NCOA3: variants seen among roughly 807,000 people sequenced by gnomAD.
The protein encoded by NCOA3 is CBP-interacting protein.
Under a neutral mutation model 158.8 loss-of-function variants are expected in NCOA3, and 51 were observed. That is an observed-to-expected ratio of 0.32 (90% CI 0.26 to 0.41). The LOEUF is 0.41. Among genes scored for constraint, NCOA3 ranks in the 10% least tolerant of loss-of-function variants. The pLI is 1.00. For synonymous variants in NCOA3, 537 were observed against 592.4 expected (o/e 0.91, Z 1.36); for missense variants, 1,510 against 1,746.6 (o/e 0.86, Z 2.41).
intron 2 of NCOA3, among the ~76,000 whole-genome samples, chr20:47,607,776 A>C (rs2146270937): frequency 6.6e-6 from 1 of 152,280 alleles, no homozygotes; most frequent in African/African-American, 2.4e-5. Context: ...ATTATTTATA[A>C]AAGTTTATTA....
At position 47,654,634 on chromosome 20, in the gene NCOA3, A is replaced by C. The variant is rs2086845186; in HGVS notation, c.*1217A>C. The C allele has an allele frequency of 6.6e-6, 1 of 152,446 alleles. No individual in the cohort carries two copies. The highest frequency in any genetic ancestry group is 2.4e-5 in the African/African-American group (1 of 41,358). 9.4% of individuals were successfully genotyped at this position (152,446 alleles called of 1,614,324 possible). A position where few individuals can be genotyped will look rare whatever the true frequency, so the allele number is the denominator to read the frequency against. On this transcript the variant is annotated 3_prime_UTR_variant, in exon 23 of 23. Coordinates refer to ENST00000371998, the MANE Select transcript of NCOA3 (RefSeq NM_181659.3). ...GATGCCTCGCTCTTTTCAATCTCTT[A>C]ATCTAAATGCTTTTTAAAGAGATTA...
intron 1 of NCOA3, among the ~76,000 whole-genome samples, chr20:47,570,971 A>AC (rs2085284149): frequency 1.4e-5 from 1 of 69,652 alleles, no homozygotes; most frequent in Non-Finnish European, 3.2e-5. Flanking sequence ...CACACACACA[A>AC]GTATATACAT....
intron 1 of NCOA3, among the ~76,000 whole-genome samples, chr20:47,511,329 C>A (rs2084122731): frequency 6.8e-6 from 1 of 146,314 alleles, no homozygotes; most frequent in Non-Finnish European, 1.5e-5. Flanking sequence ...TTCACTGCAG[C>A]CTTGACCACC....
intron 1 of NCOA3, among the ~76,000 whole-genome samples, chr20:47,563,516 C>T (rs1447748735): frequency 6.6e-6 from 1 of 152,134 alleles, no homozygotes; most frequent in Non-Finnish European, 1.5e-5. Flanking sequence ...TTAAACCATG[C>T]CCTCAATTCA....
At chr20:47,625,797 G>T (rs1161796388) in intron 5 of NCOA3, among the ~76,000 whole-genome samples, 5 of 152,080 alleles carry the variant, frequency 3.3e-5, no homozygotes, top group African/African-American at 1.2e-4. Context: ...GGTACAAATG[G>T]CCCTTCATAT....
Position 47,651,166 on chromosome 20 carries a change from C to A in NCOA3, c.3836C>A (p.Ala1279Asp). Residue 1279 changes from alanine to aspartate, a missense_variant, in exon 20 of 23, where the codon GCC becomes GAC. Transcript: ENST00000371998. ...CAGCAGCAACAGCAGCAAACCCAGGCCTTCAGCCCACCTCCTAATGTGACT... is the reference window on the plus strand; with the variant it reads ...CAGCAGCAACAGCAGCAAACCCAGGACTTCAGCCCACCTCCTAATGTGACT... ...QQQQQQQQTQ[A>D]FSPPPNVTAS... 3.7e-6 allele frequency: 6 copies of A among 1,613,890 alleles called. No homozygotes were observed. The highest frequency in any genetic ancestry group is 4.2e-6 in the Non-Finnish European group (5 of 1,179,966).
chr20:47,587,345 G>C (rs1286662091), intron 2 of NCOA3, among the ~76,000 whole-genome samples: 5 of 152,232 alleles, frequency 3.3e-5, no homozygotes, highest in African/African-American at 1.2e-4. Context: ...ATCTCTCTGA[G>C]TGCTAGGTGT....
chr20:47,548,440 A>T (rs1460614592), intron 1 of NCOA3, among the ~76,000 whole-genome samples: 1 of 152,036 alleles, frequency 6.6e-6, no homozygotes, highest in Non-Finnish European at 1.5e-5. Flanking sequence ...GCTACTCGGG[A>T]GGCTGAGGCA....
At position 47,651,116 on chromosome 20, in the gene NCOA3, G is replaced by GCAA. The variant is rs753491875; in HGVS notation, c.3788_3789insACA (p.Gln1276dup). On this transcript the variant is annotated inframe_insertion, in exon 20 of 23. Coordinates refer to ENST00000371998, the MANE Select transcript of NCOA3 (RefSeq NM_181659.3). ...AACAGCAGCAGCAGCAGCAGCAGCA[G>GCAA]CAGCAACAGCAACAGCAACAGCAAC... 3.5e-3 allele frequency: 5,161 copies of GCAA among 1,457,530 alleles called. 68 individuals are homozygous for GCAA. The South Asian group carries it at 0.044, about 12-fold the overall frequency. The allele number at this position is 1,457,530 out of a possible 1,614,324, so 90.3% of individuals were successfully genotyped here. A position where few individuals can be genotyped will look rare whatever the true frequency, so the allele number is the denominator to read the frequency against.
intron 2 of NCOA3, among the ~76,000 whole-genome samples, chr20:47,619,128 A>G (rs1202212417): frequency 6.6e-6 from 1 of 152,198 alleles, no homozygotes; most frequent in Non-Finnish European, 1.5e-5. Flanking sequence ...TATATTGACC[A>G]CCTATTACAT....
At chr20:47,561,858 A>G (rs1426927197) in intron 1 of NCOA3, among the ~76,000 whole-genome samples, 2 of 152,186 alleles carry the variant, frequency 1.3e-5, no homozygotes, top group African/African-American at 4.8e-5. Flanking sequence ...ATGATCTACC[A>G]TTAAAATATC....
rs372177830 is a variant in NCOA3 at position 47,654,848 on chromosome 20, CTGTGTGTGTGTGTGTATGTGTGTG to C, written c.*1443_*1466del. On this transcript the variant is annotated 3_prime_UTR_variant, in exon 23 of 23. Transcript: ENST00000371998. ...GTCCGAAATAATAGCAATTCATGGGCTGTGTGTGTGTGTGTATGTGTGTGTGTGTGTGTGTATGTTTAATTATGT... is the reference window on the plus strand; with the variant it reads ...GTCCGAAATAATAGCAATTCATGGGCTGTGTGTGTGTATGTTTAATTATGT... 2.7e-5 allele frequency: 4 copies of C among 146,638 alleles called. No homozygotes were observed. The highest frequency in any genetic ancestry group is 7.8e-5 in the African/African-American group (3 of 38,420). 9.1% of individuals were successfully genotyped at this position (146,638 alleles called of 1,614,324 possible).
intron 2 of NCOA3, among the ~76,000 whole-genome samples, chr20:47,584,489 G>A (rs549233588): frequency 3.3e-5 from 5 of 151,986 alleles, no homozygotes; most frequent in Non-Finnish European, 7.4e-5. Flanking sequence ...GCATAGTGGC[G>A]TGTGCCTGTA....
At chr20:47,625,251 A>T (rs1429536110) in intron 4 of NCOA3, 130 bp from the exon 5 acceptor site, 2 of 615,138 alleles carry the variant, frequency 3.3e-6, no homozygotes, top group East Asian at 5.6e-5. Context: ...TTCTCTTATG[A>T]GGAAATGTTT....
intron 1 of NCOA3, among the ~76,000 whole-genome samples, chr20:47,553,544 C>T (rs1012796697): frequency 8.2e-6 from 1 of 121,884 alleles, no homozygotes; most frequent in Non-Finnish European, 1.7e-5. Flanking sequence ...GCTATCCCTC[C>T]CCCCCTCCCC....
chr20:47,599,923 G>A (rs2143491), intron 2 of NCOA3, among the ~76,000 whole-genome samples: 54,606 of 151,824 alleles, frequency 0.36, 10,150 homozygotes, highest in Middle Eastern at 0.49. Flanking sequence ...GCTATCTTGC[G>A]CAATGCCTCC....
chr20:47,579,839 T>C (rs1023927485), intron 1 of NCOA3, among the ~76,000 whole-genome samples: 1 of 151,988 alleles, frequency 6.6e-6, no homozygotes, highest in Non-Finnish European at 1.5e-5. Flanking sequence ...GAGACAGGAG[T>C]TGGGCTCAAA....
At chr20:47,622,359 C>G (rs1428048018) in intron 3 of NCOA3, 29 bp downstream of exon 3, 21 of 1,413,794 alleles carry the variant, frequency 1.5e-5, no homozygotes, top group Non-Finnish European at 2.1e-5. Context: ...GGTGCTTTAC[C>G]ACACTTGTTG....
In NCOA3 at chr20:47,618,930, A is replaced by G. The variant is rs183528434; in HGVS notation, c.-19-3299A>G. Among the ~76,000 whole-genome samples the G allele has an allele frequency of 2.0e-3, 298 of 152,334 alleles. 2 individuals are homozygous for G. Among genetic ancestry groups the G allele is most frequent in the Admixed American group, 4.7e-3 (72 of 15,288 alleles). ...GAGATTGTCATGACTTAGTTTTTCT[A>G]TTGATTTAATTTATGCTGTCAGAAT... On this transcript the variant is annotated intron_variant, in intron 2 of 22. Coordinates refer to ENST00000371998, the MANE Select transcript of NCOA3 (RefSeq NM_181659.3).
Sources: gnomAD v4.1 joint callset for allele counts (sites outside exome capture counted in the v4.1 genomes callset) on GRCh38, gnomAD v4.1.1 for gene constraint, MANE v1.5 for transcripts, NCBI Gene and HGNC (gene_info 2026-07-23, HGNC 2026-07-21) for gene names.